Variants in MCOLN3 observed in about 807,000 individuals in gnomAD.
The protein encoded by MCOLN3 is mucolipin-3.
MCOLN3 carries 62 observed loss-of-function variants against 69.4 expected under a neutral mutation model. That is an observed-to-expected ratio of 0.89 (90% CI 0.73 to 1.10). The LOEUF (loss-of-function observed/expected upper bound fraction) is 1.10, where lower values mean the gene tolerates loss of function less well. MCOLN3 is among the 50% of genes least tolerant of loss of function. The pLI is 0.00. For synonymous variants in MCOLN3, 183 were observed against 217.0 expected (o/e 0.84, Z 1.38); for missense variants, 564 against 656.4 (o/e 0.86, Z 1.54).
At chr1:85,030,579 GAATA>G (rs2102927285) in intron 6 of MCOLN3, among the ~76,000 whole-genome samples, 1 of 152,248 alleles carries the variant, frequency 6.6e-6, no homozygotes, top group South Asian at 2.1e-4. Flanking sequence ...AAATCATGCT[GAATA>G]AATATCAAAT....
At chr1:85,042,931 C>A (rs560808870) in intron 2 of MCOLN3, among the ~76,000 whole-genome samples, 5 of 152,200 alleles carry the variant, frequency 3.3e-5, no homozygotes, top group East Asian at 1.9e-4. Context: ...AATTAAGAAA[C>A]CCTCAGTTCC....
chr1:85,021,088 A>T lies in MCOLN3; in HGVS notation c.1509T>A (p.Asp503Glu), dbSNP rs1571084053. 1 of 1,609,086 alleles carries T rather than the reference A, an allele frequency of 6.2e-7. No individual in the cohort carries two copies. The highest frequency in any genetic ancestry group is 1.1e-5 in the South Asian group (1 of 90,534). Reference protein sequence around the residue: ...ILSLFIALITDTYETIKQYQQ... With the variant: ...ILSLFIALITETYETIKQYQQ... ...AACCTACCTTAATTGTTTCGTATGT[A>T]TCAGTGATCAGTGCAATGAAAAGAC... The change falls in exon 12 of 13, where the codon GAT (aspartate) becomes GAA (glutamate). Residue 503 changes from aspartate (D) to glutamate (E), a missense_variant. By Grantham distance (45) the Asp-to-Glu change is conservative (BLOSUM62 2). Coordinates refer to ENST00000370589, the MANE Select transcript of MCOLN3 (RefSeq NM_018298.11).
At chr1:85,031,743 A>ATT (rs1652535311) in intron 6 of MCOLN3, among the ~76,000 whole-genome samples, 1 of 152,178 alleles carries the variant, frequency 6.6e-6, no homozygotes. Context: ...TGTTTTTATT[A>ATT]TTATTTAAAT....
At chr1:85,038,126 A>C (rs866796332) in intron 3 of MCOLN3, among the ~76,000 whole-genome samples, 1 of 152,152 alleles carries the variant, frequency 6.6e-6, no homozygotes. Flanking sequence ...AAGCCAGAAG[A>C]CCAGAAGGAA....
At chr1:85,019,610 G>A (rs1651823964) in intron 12 of MCOLN3, among the ~76,000 whole-genome samples, 1 of 152,220 alleles carries the variant, frequency 6.6e-6, no homozygotes, top group Non-Finnish European at 1.5e-5. Flanking sequence ...GTGACTTCCA[G>A]ACCAGTGTGA....
chr1:85,034,317 C>T, intron 3 of MCOLN3, 66 bp from the exon 4 acceptor site: 1 of 1,517,268 alleles, frequency 6.6e-7, no homozygotes. Context: ...CCATAACTCC[C>T]CTCCCTCCCC....
intron 1 of MCOLN3, among the ~76,000 whole-genome samples, chr1:85,045,881 G>A (rs1653323646): frequency 6.6e-6 from 1 of 152,134 alleles, no homozygotes. Context: ...ATTCAGTTTG[G>A]TTTCTAATCC....
At chr1:85,035,449 C>G (rs1473096011) in intron 3 of MCOLN3, among the ~76,000 whole-genome samples, 1 of 152,208 alleles carries the variant, frequency 6.6e-6, no homozygotes, top group Non-Finnish European at 1.5e-5. Flanking sequence ...AGAGGAATCT[C>G]TAGTAAATGG....
intron 1 of MCOLN3, among the ~76,000 whole-genome samples, chr1:85,048,094 A>G (rs1008175719): frequency 6.6e-6 from 1 of 152,166 alleles, no homozygotes; most frequent in East Asian, 1.9e-4. Context: ...AGCCCTGGCC[A>G]CAGGTGGGCG....
chr1:85,042,738 G>C (rs1021828370), intron 2 of MCOLN3, among the ~76,000 whole-genome samples: 1 of 152,208 alleles, frequency 6.6e-6, no homozygotes, highest in African/African-American at 2.4e-5. Flanking sequence ...TTAGTAGGGT[G>C]TCTATCATTG....
intron 1 of MCOLN3, among the ~76,000 whole-genome samples, 173 bp from the exon 2 acceptor site, chr1:85,045,535 G>A (rs1184603440): frequency 1.3e-5 from 2 of 152,174 alleles, no homozygotes; most frequent in Non-Finnish European, 2.9e-5. Flanking sequence ...TTCCAATGTA[G>A]GACGTCACTT....
At chr1:85,038,014 T>A (rs1192933005) in intron 3 of MCOLN3, among the ~76,000 whole-genome samples, 1 of 151,990 alleles carries the variant, frequency 6.6e-6, no homozygotes. Context: ...TAGGGCAGGG[T>A]GGGTAGGAAA....
In MCOLN3 at chr1:85,022,050, A is replaced by G; in HGVS notation, c.1320+20T>C. 1 of 1,605,358 alleles carries G rather than the reference A, an allele frequency of 6.2e-7. No homozygotes were observed. The highest frequency in any genetic ancestry group is 8.5e-7 in the Non-Finnish European group (1 of 1,176,746). ...TGCTAAAAGCTTAATAGTAACAGGAAAAAAGTTGTTTATCAGTACCTTGTC... is the reference window on the plus strand; with the variant it reads ...TGCTAAAAGCTTAATAGTAACAGGAGAAAAGTTGTTTATCAGTACCTTGTC... On this transcript the variant is annotated intron_variant, in intron 11 of 12. Coordinates refer to ENST00000370589, the MANE Select transcript of MCOLN3 (RefSeq NM_018298.11).
chr1:85,023,048 G>C (rs1374761905), intron 9 of MCOLN3: 1 of 150,966 alleles, frequency 6.6e-6, no homozygotes, highest in Non-Finnish European at 1.5e-5. Flanking sequence ...GCTGGTAATA[G>C]TGGAGTTGAC....
chr1:85,024,054 G>T (rs980371817), intron 9 of MCOLN3, among the ~76,000 whole-genome samples: 12 of 152,084 alleles, frequency 7.9e-5, no homozygotes, highest in Non-Finnish European at 1.6e-4. Flanking sequence ...GATTTTGGGG[G>T]GCTGTGAGGT....
At chr1:85,043,579 T>G (rs1290776088) in intron 2 of MCOLN3, among the ~76,000 whole-genome samples, 1 of 151,934 alleles carries the variant, frequency 6.6e-6, no homozygotes, top group East Asian at 1.9e-4. Flanking sequence ...ATGTTTAGCC[T>G]GGTATACAGC....
chr1:85,025,953 C>T lies in MCOLN3; in HGVS notation c.1081G>A (p.Glu361Lys). 6.3e-7 allele frequency: 1 copy of T among 1,597,666 alleles called. No homozygotes were observed. The highest frequency in any genetic ancestry group is 8.5e-7 in the Non-Finnish European group (1 of 1,171,674). Residue 361 changes from glutamate to lysine, a missense_variant, in exon 9 of 13, where the codon GAA becomes AAA. Glu to Lys is a moderately conservative substitution (Grantham distance 56, BLOSUM62 1). Coordinates refer to ENST00000370589, the MANE Select transcript of MCOLN3 (RefSeq NM_018298.11). ...LTIIGSILKM[E>K]IQAKSLTSYD... is the part of the protein sequence containing the mutation. ...AAAAAAATTACCTTAGCTTGGATTT[C>T]CATTTTTAGAATTGATCCAATGATT...
chr1:85,045,188 C>G lies in MCOLN3; in HGVS notation c.173G>C (p.Arg58Thr). 1 of 1,614,048 alleles carries G rather than the reference C, an allele frequency of 6.2e-7. No individual in the cohort carries two copies. The highest frequency in any genetic ancestry group is 8.5e-7 in the Non-Finnish European group (1 of 1,180,008). ...TTGTATGGCAAGTTTCCATGGTTTT[C>G]TACCTCGAGCCCAGAACTTCTCACA... ...NPCEKFWARG[R>T]KPWKLAIQIL... The change falls in exon 2 of 13, where the codon AGA (arginine) becomes ACA (threonine). Residue 58 changes from arginine to threonine, a missense_variant. By Grantham distance (71) the Arg-to-Thr change is moderately conservative (BLOSUM62 -1). Transcript: ENST00000370589.
chr1:85,020,616 C>T (rs1198018581), intron 12 of MCOLN3, among the ~76,000 whole-genome samples: 1 of 152,192 alleles, frequency 6.6e-6, no homozygotes, highest in East Asian at 1.9e-4. Flanking sequence ...TGGGCTTGTG[C>T]CCTGCAGGGC....
Sources: allele counts gnomAD v4.1 joint callset (sites outside exome capture counted in the v4.1 genomes callset), GRCh38; gene constraint gnomAD v4.1.1; transcripts MANE v1.5; gene names NCBI Gene and HGNC (gene_info 2026-07-23, HGNC 2026-07-21).